Variants in FLT3 observed in about 807,000 individuals in gnomAD.
FLT3 encodes receptor-type tyrosine-protein kinase FLT3.
In FLT3, 46 loss-of-function variants were observed where a neutral mutation model predicts 126.6. The observed-to-expected ratio is 0.36, with a 90% CI of 0.29 to 0.46. The LOEUF is 0.46. Among genes scored for constraint, FLT3 ranks in the 20% least tolerant of loss-of-function variants. The pLI is 1.00. For missense variants in FLT3, 1,069 were observed against 1,190.3 expected, an observed-to-expected ratio of 0.90 and a Z score of 1.50; for synonymous variants, 404 against 434.4, an observed-to-expected ratio of 0.93 and a Z score of 0.87.
chr13:28,026,871 G>A (rs1278097987), intron 17 of FLT3, among the ~76,000 whole-genome samples: 5 of 152,204 alleles, frequency 3.3e-5, no homozygotes, highest in Non-Finnish European at 7.3e-5. Context: ...TGGGTGGAGA[G>A]AGACTAGCTC....
At chr13:28,050,997 T>C (rs1875402614) in intron 5 of FLT3, among the ~76,000 whole-genome samples, 1 of 152,232 alleles carries the variant, frequency 6.6e-6, no homozygotes, top group South Asian at 2.1e-4. Context: ...TTTACATATA[T>C]CAATTCATTT....
intron 15 of FLT3, among the ~76,000 whole-genome samples, chr13:28,031,659 G>A (rs1873361560): frequency 6.6e-6 from 1 of 152,122 alleles, no homozygotes. Context: ...GATCTGAGGG[G>A]GCAGTGGGAG....
rs1871800749 is a variant in FLT3 at position 28,015,789 on chromosome 13, T to C, written c.2542-88A>G. ...TTTTGTATTAAGATGAAATGCATCATCTTCCTAAGACCACTCTTAATGCCT... is the reference window on the plus strand; with the variant it reads ...TTTTGTATTAAGATGAAATGCATCACCTTCCTAAGACCACTCTTAATGCCT... On this transcript the variant is annotated intron_variant, in intron 20 of 23. Coordinates refer to ENST00000241453, the MANE Select transcript of FLT3 (RefSeq NM_004119.3). The C allele has an allele frequency of 2.2e-5, 17 of 790,078 alleles. No individual in the cohort carries two copies. In the South Asian group the frequency reaches 2.3e-4, roughly 11 times the overall value. The allele number at this position is 790,078 out of a possible 1,614,324, so 48.9% of individuals were successfully genotyped here.
intron 1 of FLT3, among the ~76,000 whole-genome samples, chr13:28,071,027 C>G (rs1417511580): frequency 7.8e-6 from 1 of 127,528 alleles, no homozygotes; most frequent in Non-Finnish European, 1.6e-5. Flanking sequence ...TGGAGTCTCG[C>G]TCTGTCGCCC....
In FLT3 at chr13:28,052,607, G is replaced by A. The variant is rs2137740702; in HGVS notation, c.552C>T (p.Cys184=). The A allele has an allele frequency of 6.2e-7, 1 of 1,613,304 alleles. No individual in the cohort carries two copies. ...RKMENQDALV[C]ISESVPEPIV... ...TCGGCTCTGGAACGCTCTCAGATAT[G>A]CAGACCAGGGCGTCCTGGTTTTCCA... The change falls in exon 5 of 24, where the codon TGC becomes TGT. Residue 184 remains cysteine, a synonymous_variant. Coordinates refer to ENST00000241453, the MANE Select transcript of FLT3 (RefSeq NM_004119.3).
At chr13:28,018,759 T>C (rs999652868) in intron 19 of FLT3, among the ~76,000 whole-genome samples, 170 bp from the exon 20 acceptor site, 2 of 152,222 alleles carry the variant, frequency 1.3e-5, no homozygotes. Flanking sequence ...AAAGTGAATA[T>C]AGGAGACCTA....
intron 1 of FLT3, among the ~76,000 whole-genome samples, chr13:28,080,054 A>G (rs1049824417): frequency 1.3e-5 from 2 of 152,160 alleles, no homozygotes; most frequent in Admixed American, 6.6e-5. Flanking sequence ...CCAGGACCCA[A>G]ACACCTCCCA....
At chr13:28,062,125 C>T in intron 2 of FLT3, 56 bp from the exon 3 acceptor site, 1 of 1,311,228 alleles carries the variant, frequency 7.6e-7, no homozygotes, top group Non-Finnish European at 1.1e-6. Flanking sequence ...TAAGGCCTCC[C>T]CTTCTTCACA....
At position 28,052,594 on chromosome 13, in the gene FLT3, C is replaced by T. The variant is rs142392340; in HGVS notation, c.565G>A (p.Val189Ile). 12 of 1,613,586 alleles carry T rather than the reference C, an allele frequency of 7.4e-6. No homozygotes were observed. The highest frequency in any genetic ancestry group is 1.1e-5 in the South Asian group (1 of 91,060). The part of the protein sequence containing the change: ...QDALVCISES[V>I]PEPIVEWVLC... ...ACCCATTCCACGATCGGCTCTGGAA[C>T]GCTCTCAGATATGCAGACCAGGGCG... is the stretch of plus-strand genomic sequence containing the variant. The change falls in exon 5 of 24, where the codon GTT (valine) becomes ATT (isoleucine). Residue 189 changes from valine (V) to isoleucine (I), a missense_variant. Coordinates refer to ENST00000241453, the MANE Select transcript of FLT3 (RefSeq NM_004119.3).
At chr13:28,023,684 G>C (rs1209066994) in intron 18 of FLT3, among the ~76,000 whole-genome samples, 1 of 152,164 alleles carries the variant, frequency 6.6e-6, no homozygotes, top group African/African-American at 2.4e-5. Flanking sequence ...GATAAACTTT[G>C]GAACTGCTTT....
At chr13:28,081,388 C>T (rs1878295778) in intron 1 of FLT3, among the ~76,000 whole-genome samples, 1 of 152,082 alleles carries the variant, frequency 6.6e-6, no homozygotes, top group African/African-American at 2.4e-5. Context: ...GTATTCTTCC[C>T]TTCAATTTCT....
At chr13:28,060,466 T>TTAA (rs745512875) in intron 3 of FLT3, among the ~76,000 whole-genome samples, 1 of 135,356 alleles carries the variant, frequency 7.4e-6, no homozygotes, top group East Asian at 2.1e-4. Context: ...TAAAAATATT[T>TTAA]AAAAAAAAAA....
At chr13:28,024,809 CTT>C in intron 18 of FLT3, 50 bp downstream of exon 18, 1 of 1,202,842 alleles carries the variant, frequency 8.3e-7, no homozygotes, top group Non-Finnish European at 1.2e-6. Context: ...TAACATAAAA[CTT>C]TTGCATTCAT....
intron 23 of FLT3, among the ~76,000 whole-genome samples, chr13:28,008,636 C>T (rs1871119474): frequency 6.6e-6 from 1 of 152,152 alleles, no homozygotes; most frequent in Admixed American, 6.6e-5. Flanking sequence ...CCTGCCACCA[C>T]ACCCAGCTAA....
intron 12 of FLT3, 142 bp from the exon 13 acceptor site, chr13:28,034,549 C>T: frequency 1.6e-6 from 1 of 643,956 alleles, no homozygotes; most frequent in Non-Finnish European, 2.8e-6. Context: ...ATATACTCTA[C>T]TCCCCACAGA....
At position 28,098,314 on chromosome 13, in the gene FLT3, C is replaced by CAAA. The variant is rs55675449; in HGVS notation, c.43+2151_43+2153dup. Among the ~76,000 whole-genome samples, 36 of 85,146 alleles carry CAAA rather than the reference C, an allele frequency of 4.2e-4. 1 individual carries two copies. The highest frequency in any genetic ancestry group is 7.8e-4 in the South Asian group (2 of 2,568). 55.9% of individuals were successfully genotyped at this position (85,146 alleles called of 152,430 possible). ...TGGGTGACAGAGCAAGACTCCGTCT[C>CAAA]AAAAAAAAAAAAAAAAAAAAAAGTA... On this transcript the variant is annotated intron_variant, in intron 1 of 23. Coordinates refer to ENST00000241453, the MANE Select transcript of FLT3 (RefSeq NM_004119.3).
intron 1 of FLT3, among the ~76,000 whole-genome samples, chr13:28,080,348 C>A (rs1367324743): frequency 6.6e-6 from 1 of 152,080 alleles, no homozygotes; most frequent in East Asian, 1.9e-4. Flanking sequence ...TGCTCTCCAG[C>A]CTTGGTGACA....
chr13:28,069,117 C>A (rs1877283683), intron 2 of FLT3, among the ~76,000 whole-genome samples: 1 of 152,088 alleles, frequency 6.6e-6, no homozygotes, highest in Non-Finnish European at 1.5e-5. Flanking sequence ...GGTTCAGAGC[C>A]AGGCAATGAA....
chr13:28,077,136 G>T (rs1208873900), intron 1 of FLT3, among the ~76,000 whole-genome samples: 1 of 151,412 alleles, frequency 6.6e-6, no homozygotes, highest in East Asian at 1.9e-4. Flanking sequence ...AAGAAAGAAA[G>T]AAAAAGAAAA....
Sources: gnomAD v4.1 joint callset for allele counts (sites outside exome capture counted in the v4.1 genomes callset) on GRCh38, gnomAD v4.1.1 for gene constraint, MANE v1.5 for transcripts, NCBI Gene and HGNC (gene_info 2026-07-23, HGNC 2026-07-21) for gene names.